ZNF490: variants seen among roughly 807,000 people sequenced by gnomAD.
ZNF490 encodes zinc finger protein 490.
Under a neutral mutation model 17.7 loss-of-function variants are expected in ZNF490, and 11 were observed. The ratio of observed to expected loss-of-function variants is 0.62; its 90% CI spans 0.39 to 1.03. The LOEUF (loss-of-function observed/expected upper bound fraction) is 1.03, where lower values mean the gene tolerates loss of function less well. ZNF490 is among the 50% of genes least tolerant of loss of function. The pLI, the probability that ZNF490 is intolerant of heterozygous loss-of-function variation, is 0.00. For missense variants in ZNF490, 542 were observed against 643.4 expected (o/e 0.84, Z 1.71); for synonymous variants, 222 against 216.1 (o/e 1.03, Z -0.24).
chr19:12,599,793 AT>A (rs2022979495), intron 2 of ZNF490, among the ~76,000 whole-genome samples: 1 of 152,226 alleles, frequency 6.6e-6, no homozygotes, highest in African/African-American at 2.4e-5. Context: ...AATGGATTAA[AT>A]TAGATAAAAT....
chr19:12,587,031 T>C, intron 2 of ZNF490, among the ~76,000 whole-genome samples: 1 of 80,586 alleles, frequency 1.2e-5, no homozygotes, highest in African/African-American at 3.8e-5. Flanking sequence ...GCCATGGCTC[T>C]CCAGCCTGGG....
At chr19:12,583,818 T>A (rs1268823583) in intron 2 of ZNF490, among the ~76,000 whole-genome samples, 44 of 136,102 alleles carry the variant, frequency 3.2e-4, no homozygotes, top group African/African-American at 8.2e-4. Context: ...TATATTTTTT[T>A]TTTTTTTTTT....
rs545854078 is a variant in ZNF490, at chr19:12,593,245, G to A, written c.163-9689C>T. ...AAAAAAAGATTCCCAGAGTTTTGTG[G>A]GTTTTTTTTTTTTTCCCTTTGAGAT... On this transcript the variant is annotated intron_variant, in intron 2 of 4. Transcript: ENST00000311437. Among the ~76,000 whole-genome samples, 150 of 151,082 alleles carry A rather than the reference G, an allele frequency of 9.9e-4. 1 individual carries two copies. Among genetic ancestry groups the A allele is most frequent in the Non-Finnish European group, 3.1e-4 (21 of 67,804 alleles).
chr19:12,589,356 CA>C (rs34887630), intron 2 of ZNF490, among the ~76,000 whole-genome samples: 2 of 150,044 alleles, frequency 1.3e-5, no homozygotes, highest in African/African-American at 2.5e-5. Context: ...GACTCTGTCT[CA>C]AAAAAAATAG....
At chr19:12,594,499 G>C (rs984957896) in intron 2 of ZNF490, among the ~76,000 whole-genome samples, 1 of 151,790 alleles carries the variant, frequency 6.6e-6, no homozygotes, top group Non-Finnish European at 1.5e-5. Context: ...GAAAAAAAGA[G>C]CATCTATAGT....
intron 2 of ZNF490, among the ~76,000 whole-genome samples, chr19:12,595,235 G>A (rs756603850): frequency 6.0e-5 from 9 of 150,886 alleles, no homozygotes; most frequent in African/African-American, 1.7e-4. Context: ...TCCGCCTCCC[G>A]GGTTCAAGAA....
At chr19:12,601,387 GA>G (rs923396428) in intron 2 of ZNF490, among the ~76,000 whole-genome samples, 40 of 134,026 alleles carry the variant, frequency 3.0e-4, no homozygotes, top group South Asian at 9.7e-4. Flanking sequence ...GACTCCGTCT[GA>G]AAAAAAAAAA....
At chr19:12,601,911 G>A (rs1040991924) in intron 2 of ZNF490, among the ~76,000 whole-genome samples, 1 of 151,198 alleles carries the variant, frequency 6.6e-6, no homozygotes, top group East Asian at 2.0e-4. Flanking sequence ...GGAGAATGGC[G>A]TGAACCCGGG....
chr19:12,583,404 AAGT>A (rs780602521), intron 3 of ZNF490, 23 bp downstream of exon 3: 205 of 1,563,100 alleles, frequency 1.3e-4, no homozygotes, highest in South Asian at 3.4e-5. Flanking sequence ...CTCCTTAATT[AAGT>A]AGAGAAATTA....
intron 4 of ZNF490, 99 bp downstream of exon 4, chr19:12,582,751 C>A: frequency 9.2e-7 from 1 of 1,087,328 alleles, no homozygotes; most frequent in Admixed American, 2.0e-5. Flanking sequence ...ATGAATAAAC[C>A]TGAAACTCTG....
chr19:12,610,553 G>A lies in ZNF490; in HGVS notation c.117+11C>T, dbSNP rs1244786265. ...GAGAGGCCTTACAACATTATGCCAA[G>A]CCCCTGGTACCTGGAGGACATCAGA... On this transcript the variant is annotated intron_variant, in intron 1 of 4. Coordinates refer to ENST00000311437, the MANE Select transcript of ZNF490 (RefSeq NM_020714.3). 6.2e-7 allele frequency: 1 copy of A among 1,607,428 alleles called. No homozygotes were observed. Among genetic ancestry groups the A allele is most frequent in the South Asian group, 1.1e-5 (1 of 90,930 alleles).
chr19:12,583,787 C>A (rs1480430777), intron 2 of ZNF490, among the ~76,000 whole-genome samples: 7,114 of 87,806 alleles, frequency 0.081, 343 homozygotes, highest in Non-Finnish European at 0.097. Context: ...CTCTCTCTCT[C>A]TCTCTATATA....
rs943672897 is a variant in ZNF490, at chr19:12,578,518, T to C, written c.*1967A>G. Reference sequence around the variant, plus strand: ...TTAAACAAGTGTCCAAAGTGTAGGTTTGAGATGGGAAATGGAGCTGGAGAT... The same window carrying C: ...TTAAACAAGTGTCCAAAGTGTAGGTCTGAGATGGGAAATGGAGCTGGAGAT... On this transcript the variant is annotated 3_prime_UTR_variant, in exon 5 of 5. Coordinates refer to ENST00000311437, the MANE Select transcript of ZNF490 (RefSeq NM_020714.3). The C allele has an allele frequency of 2.0e-6, 2 of 985,158 alleles. No individual in the cohort carries two copies. The highest frequency in any genetic ancestry group is 2.4e-6 in the Non-Finnish European group (2 of 829,920). 61.0% of individuals were successfully genotyped at this position (985,158 alleles called of 1,614,324 possible). A position where few individuals can be genotyped will look rare whatever the true frequency, so the allele number is the denominator to read the frequency against.
Position 12,583,756 on chromosome 19 carries a change from GCTCTCTCTCTCT to G in ZNF490, c.163-212_163-201del, listed in dbSNP as rs1195574032. 9.1e-4 allele frequency among the ~76,000 whole-genome samples: 27 copies of G among 29,758 alleles called. 1 individual carries two copies. Among genetic ancestry groups the G allele is most frequent in the South Asian group, 2.1e-3 (2 of 964 alleles). The allele number at this position is 29,758 out of a possible 152,430, so 19.5% of individuals were successfully genotyped here. A position where few individuals can be genotyped will look rare whatever the true frequency, so the allele number is the denominator to read the frequency against. ...ATCGTGAACATACAAAAATTATTGC[GCTCTCTCTCTCT>G]CTCTCTCTCTCTCTCTCTCTCTCTA... On this transcript the variant is annotated intron_variant, in intron 2 of 4. Transcript: ENST00000311437.
chr19:12,590,531 A>G (rs576035041), intron 2 of ZNF490, among the ~76,000 whole-genome samples: 1 of 152,140 alleles, frequency 6.6e-6, no homozygotes, highest in African/African-American at 2.4e-5. Flanking sequence ...CCCTCTCACC[A>G]TTTCTATTCA....
intron 2 of ZNF490, chr19:12,597,337 G>A: frequency 2.8e-6 from 1 of 362,886 alleles, no homozygotes; most frequent in South Asian, 2.1e-5. Context: ...TTTCAACACC[G>A]ATGCTGACTG....
chr19:12,580,857 C>T lies in ZNF490; in HGVS notation c.1218G>A (p.Gln406=), dbSNP rs2022721627. Residue 406 remains glutamine (Q), a synonymous_variant, in exon 5 of 5, where the codon CAG becomes CAA. Transcript: ENST00000311437. ...CGCCAGTGTGAACTCTTTCGTGCAA[C>T]TGAAGGTAACTTGAAGAATTGAAGG... ...GKAFNSSSYL[Q]LHERVHTGEK... 1 of 1,614,012 alleles carries T rather than the reference C, an allele frequency of 6.2e-7. No homozygotes were observed.
chr19:12,582,289 A>G (rs2042947), intron 4 of ZNF490, among the ~76,000 whole-genome samples: 87,359 of 151,022 alleles, frequency 0.58, 26,619 homozygotes, highest in Non-Finnish European at 0.69. Flanking sequence ...ACAGGTTTTC[A>G]CTATGTTGAC....
chr19:12,585,207 G>C (rs1449026414), intron 2 of ZNF490, among the ~76,000 whole-genome samples: 1 of 93,878 alleles, frequency 1.1e-5, no homozygotes. Context: ...GTCCATATGT[G>C]GGGTACACAG....
Sources: gnomAD v4.1 joint callset for allele counts (sites outside exome capture counted in the v4.1 genomes callset) on GRCh38, gnomAD v4.1.1 for gene constraint, MANE v1.5 for transcripts, NCBI Gene and HGNC (gene_info 2026-07-23, HGNC 2026-07-21) for gene names.